Variants in SAMD4A observed in about 807,000 individuals in gnomAD.
The protein encoded by SAMD4A is sterile alpha motif domain containing 4A, also known as protein Smaug homolog 1.
Under a neutral mutation model 81.3 loss-of-function variants are expected in SAMD4A, and 33 were observed. The ratio of observed to expected loss-of-function variants is 0.41; its 90% confidence interval spans 0.31 to 0.54. The LOEUF (loss-of-function observed/expected upper bound fraction) is 0.54, where lower values mean the gene tolerates loss of function less well. SAMD4A is among the 20% of genes least tolerant of loss of function. The probability of loss-of-function intolerance (pLI) is 0.37; values close to 1 mark genes in which losing one functional copy is unlikely to be tolerated. For synonymous variants in SAMD4A, 389 were observed against 382.1 expected (o/e 1.02, Z -0.21); for missense variants, 854 against 951.1 (o/e 0.90, Z 1.34).
intron 6 of SAMD4A, among the ~76,000 whole-genome samples, chr14:54,757,858 G>A (rs571987081): frequency 1.2e-3 from 182 of 152,312 alleles, no homozygotes; most frequent in African/African-American, 4.2e-3. Context: ...TAGTTAGCAC[G>A]CAGTCTGATC....
chr14:54,724,625 A>G (rs1393867116), intron 3 of SAMD4A, among the ~76,000 whole-genome samples: 2 of 152,188 alleles, frequency 1.3e-5, no homozygotes, highest in East Asian at 1.9e-4. Flanking sequence ...CAGCAGTACA[A>G]TATCCCCAGC....
At chr14:54,614,151 G>C (rs1335941297) in intron 2 of SAMD4A, among the ~76,000 whole-genome samples, 2 of 152,166 alleles carry the variant, frequency 1.3e-5, no homozygotes, top group Non-Finnish European at 2.9e-5. Flanking sequence ...GCAATTAACA[G>C]ATACATGAAA....
intron 11 of SAMD4A, among the ~76,000 whole-genome samples, chr14:54,778,401 T>C (rs1183810213): frequency 6.6e-6 from 1 of 152,278 alleles, no homozygotes; most frequent in African/African-American, 2.4e-5. Context: ...AGGGCAACTA[T>C]GAACCTAATA....
At chr14:54,626,536 G>T (rs1482733496) in intron 2 of SAMD4A, among the ~76,000 whole-genome samples, 1 of 152,182 alleles carries the variant, frequency 6.6e-6, no homozygotes, top group Non-Finnish European at 1.5e-5. Context: ...ATACGTTGCT[G>T]ATTGCTAGGT....
chr14:54,613,805 C>A (rs990682046), intron 2 of SAMD4A, among the ~76,000 whole-genome samples: 5 of 152,146 alleles, frequency 3.3e-5, no homozygotes, highest in Non-Finnish European at 5.9e-5. Context: ...CTCAAAGGTC[C>A]CTAAGGTCCT....
At chr14:54,595,253 T>G (rs2033881023) in intron 2 of SAMD4A, among the ~76,000 whole-genome samples, 1 of 152,112 alleles carries the variant, frequency 6.6e-6, no homozygotes, top group African/African-American at 2.4e-5. Flanking sequence ...GATTTTCTTC[T>G]CACATTTGAG....
intron 3 of SAMD4A, among the ~76,000 whole-genome samples, chr14:54,735,685 C>T (rs1293740356): frequency 1.3e-5 from 2 of 152,220 alleles, no homozygotes; most frequent in African/African-American, 4.8e-5. Context: ...CCCAGACACA[C>T]TTTCTGGAAA....
At chr14:54,718,884 T>C (rs1308633224) in intron 3 of SAMD4A, among the ~76,000 whole-genome samples, 1 of 151,678 alleles carries the variant, frequency 6.6e-6, no homozygotes, top group Non-Finnish European at 1.5e-5. Flanking sequence ...GCACCTGTAA[T>C]CCCAGCTACT....
intron 6 of SAMD4A, 59 bp from the exon 7 acceptor site, chr14:54,760,102 G>T: frequency 2.6e-6 from 4 of 1,547,260 alleles, no homozygotes; most frequent in Non-Finnish European, 3.5e-6. Flanking sequence ...GGGCAGGTAC[G>T]GGGGTGGATG....
intron 2 of SAMD4A, among the ~76,000 whole-genome samples, chr14:54,630,989 G>A (rs1470609587): frequency 6.7e-6 from 1 of 149,886 alleles, no homozygotes; most frequent in African/African-American, 2.5e-5. Flanking sequence ...TATGAAGGCT[G>A]ACAAGAGCTG....
intron 2 of SAMD4A, among the ~76,000 whole-genome samples, chr14:54,568,342 T>G (rs374557684): frequency 8.2e-4 from 123 of 150,182 alleles, no homozygotes; most frequent in African/African-American, 2.7e-3. Flanking sequence ...GTGAACTCCG[T>G]CAGCCCTTTC....
At chr14:54,724,003 T>TGGAAGGAAGGAAGGAAGAAGGAAGGAA (rs1311416081) in intron 3 of SAMD4A, among the ~76,000 whole-genome samples, 16 of 56,494 alleles carry the variant, frequency 2.8e-4, no homozygotes, top group Admixed American at 1.9e-3. Flanking sequence ...GATGGATGGA[T>TGGAAGGAAGGAAGGAAGAAGGAAGGAA]GGATGGAAGG....
chr14:54,769,403 C>T (rs955795318), intron 8 of SAMD4A, among the ~76,000 whole-genome samples: 2 of 152,158 alleles, frequency 1.3e-5, no homozygotes, highest in Non-Finnish European at 2.9e-5. Flanking sequence ...GTGGCAAGTA[C>T]AAAGGCTAAA....
chr14:54,631,665 A>G (rs1471816850), intron 2 of SAMD4A, among the ~76,000 whole-genome samples: 1 of 152,226 alleles, frequency 6.6e-6, no homozygotes, highest in African/African-American at 2.4e-5. Flanking sequence ...TACTTAAATA[A>G]TAACTGAAAC....
intron 2 of SAMD4A, among the ~76,000 whole-genome samples, chr14:54,613,137 A>AAGG (rs1555336309): frequency 2.1e-5 from 3 of 144,524 alleles, no homozygotes; most frequent in Non-Finnish European, 3.0e-5. Context: ...AGAGAGAGAG[A>AAGG]AAGGAAGGAA....
intron 2 of SAMD4A, chr14:54,687,830 T>C (rs756837217): frequency 3.6e-6 from 1 of 274,692 alleles, no homozygotes; most frequent in African/African-American, 2.3e-5. Flanking sequence ...AGATGTGACA[T>C]GTAAGATAAG....
chr14:54,769,122 C>G (rs2038635607), intron 8 of SAMD4A, among the ~76,000 whole-genome samples: 1 of 152,226 alleles, frequency 6.6e-6, no homozygotes, highest in Non-Finnish European at 1.5e-5. Context: ...GTTCTAGTCA[C>G]TTGGCAGGGG....
intron 2 of SAMD4A, among the ~76,000 whole-genome samples, chr14:54,598,773 G>A (rs1566540031): frequency 6.6e-6 from 1 of 152,136 alleles, no homozygotes; most frequent in African/African-American, 2.4e-5. Flanking sequence ...CCACTATCGG[G>A]AACGTGTGTT....
At chr14:54,655,725 C>T (rs1055202929) in intron 2 of SAMD4A, among the ~76,000 whole-genome samples, 28 of 151,926 alleles carry the variant, frequency 1.8e-4, no homozygotes, top group Admixed American at 1.6e-3. Flanking sequence ...GCAATAAGAG[C>T]GAAATTCAGT....
Sources: gnomAD v4.1 joint callset for allele counts (sites outside exome capture counted in the v4.1 genomes callset) on GRCh38, gnomAD v4.1.1 for gene constraint, MANE v1.5 for transcripts, NCBI Gene and HGNC (gene_info 2026-07-23, HGNC 2026-07-21) for gene names.